The following SSH2 variants were observed in gnomAD, a reference collection of about 807,000 sequenced individuals.
The protein encoded by SSH2 is protein phosphatase Slingshot homolog 2.
Under a neutral mutation model 135.2 loss-of-function variants are expected in SSH2, and 37 were observed. That is an observed-to-expected ratio of 0.27 (90% CI 0.21 to 0.36). SSH2 has a LOEUF of 0.36. Among genes scored for constraint, SSH2 ranks in the 10% least tolerant of loss-of-function variants. SSH2 has a pLI of 1.00. For missense variants in SSH2, 1,408 were observed against 1,765.3 expected (o/e 0.80, Z 3.63); for synonymous variants, 628 against 646.2 (o/e 0.97, Z 0.43).
chr17:29,754,064 A>G (rs2041038171), intron 3 of SSH2, among the ~76,000 whole-genome samples: 1 of 152,182 alleles, frequency 6.6e-6, no homozygotes, highest in Non-Finnish European at 1.5e-5. Flanking sequence ...TCACTTCAGC[A>G]TTTTGATTCT....
In SSH2 at chr17:29,854,420, G is replaced by C. The variant is rs117508030; in HGVS notation, c.64-5491C>G. 8.2e-4 allele frequency among the ~76,000 whole-genome samples: 125 copies of C among 151,922 alleles called. 1 individual carries two copies. In the East Asian group the frequency reaches 0.021, roughly 25 times the overall value. ...TGGGGAAACATGTCCCTTTAGCTAAGTATTGTGTGGAGAAAAACAGGGGTT... is the reference window on the plus strand; with the variant it reads ...TGGGGAAACATGTCCCTTTAGCTAACTATTGTGTGGAGAAAAACAGGGGTT... On this transcript the variant is annotated intron_variant, in intron 1 of 15. Coordinates refer to ENST00000540801, the MANE Select transcript of SSH2 (RefSeq NM_001282129.2).
rs150952858 is a variant in SSH2 at position 29,707,860 on chromosome 17, G to A, written c.189-4798C>T. On this transcript the variant is annotated intron_variant, in intron 3 of 15. Transcript: ENST00000540801. ...TATTAAATACTATTATAATAGGCGC[G>A]ATACAGGCTCCCAGAGACTCGTGGC... is the stretch of plus-strand genomic sequence containing the variant. Among the ~76,000 whole-genome samples the A allele has an allele frequency of 1.7e-4, 26 of 151,976 alleles. No homozygotes were observed. In the East Asian group the frequency reaches 2.9e-3, roughly 17 times the overall value.
rs559482649 is a variant in SSH2 at position 29,738,101 on chromosome 17, G to A, written c.189-35039C>T. On this transcript the variant is annotated intron_variant, in intron 3 of 15. Transcript: ENST00000540801. Reference sequence around the variant, plus strand: ...CCTCCCGTGACCCCACAAGGGGCCCGGGTGTGTGATGTTCCCCACCCTGTG... The same window carrying A: ...CCTCCCGTGACCCCACAAGGGGCCCAGGTGTGTGATGTTCCCCACCCTGTG... 1.1e-4 allele frequency among the ~76,000 whole-genome samples: 16 copies of A among 152,110 alleles called. 2 individuals are homozygous for A. The highest frequency in any genetic ancestry group is 3.4e-3 in the Middle Eastern group (1 of 294).
intron 3 of SSH2, among the ~76,000 whole-genome samples, chr17:29,783,208 T>C (rs2041878255): frequency 6.6e-6 from 1 of 150,552 alleles, no homozygotes; most frequent in South Asian, 2.1e-4. Context: ...TTGTTAGAAA[T>C]GGAAAAACCT....
rs760525479 is a variant in SSH2, at chr17:29,631,092, T to A, written c.4102A>T (p.Arg1368Trp). 2 of 1,614,198 alleles carry A rather than the reference T, an allele frequency of 1.2e-6. No homozygotes were observed. Among genetic ancestry groups the A allele is most frequent in the Non-Finnish European group, 1.7e-6 (2 of 1,180,034 alleles). Residue 1368 changes from arginine to tryptophan, a missense_variant, in exon 16 of 16, where the codon AGG (arginine) becomes TGG (tryptophan). Arg to Trp is a moderately radical substitution (Grantham distance 101). Coordinates refer to ENST00000540801, the MANE Select transcript of SSH2 (RefSeq NM_001282129.2). Reference sequence around the variant, plus strand: ...TCTTTGGCATACTGCACAAGGGGCCTCTCCACTGGCTTGCTCTGCACAATA... The same window carrying A: ...TCTTTGGCATACTGCACAAGGGGCCACTCCACTGGCTTGCTCTGCACAATA... ...ECIVQSKPVE[R>W]PLVQYAKEFG...
At chr17:29,889,938 A>G (rs1245052021) in intron 1 of SSH2, among the ~76,000 whole-genome samples, 1 of 152,006 alleles carries the variant, frequency 6.6e-6, no homozygotes, top group African/African-American at 2.4e-5. Flanking sequence ...CAGCCTGGGA[A>G]ACAGAGCAAG....
chr17:29,832,549 G>A (rs1020786157), intron 2 of SSH2, among the ~76,000 whole-genome samples: 1 of 152,184 alleles, frequency 6.6e-6, no homozygotes, highest in Non-Finnish European at 1.5e-5. Flanking sequence ...GGTCATTCAG[G>A]AGCATACTGT....
chr17:29,710,776 T>TA (rs1330263621), intron 3 of SSH2, among the ~76,000 whole-genome samples: 2 of 152,176 alleles, frequency 1.3e-5, no homozygotes, highest in Non-Finnish European at 2.9e-5. Flanking sequence ...AAGGAAAAAG[T>TA]AACTGTTCCT....
At chr17:29,913,371 T>A (rs2066820571) in intron 1 of SSH2, among the ~76,000 whole-genome samples, 1 of 85,112 alleles carries the variant, frequency 1.2e-5, no homozygotes, top group Non-Finnish European at 2.2e-5. Context: ...TATATATATA[T>A]ATATATATAT....
chr17:29,730,312 AATATAT>A (rs1436100470), intron 3 of SSH2, among the ~76,000 whole-genome samples: 1 of 147,384 alleles, frequency 6.8e-6, no homozygotes, highest in African/African-American at 2.5e-5. Flanking sequence ...ACTCTGTCTA[AATATAT>A]ATATATATAA....
chr17:29,712,267 T>C (rs532969761), intron 3 of SSH2, among the ~76,000 whole-genome samples: 1 of 152,306 alleles, frequency 6.6e-6, no homozygotes, highest in African/African-American at 2.4e-5. Flanking sequence ...CACAAGGAAA[T>C]TCCTTGTGAG....
chr17:29,761,843 ATGTG>A (rs752691137), intron 3 of SSH2, among the ~76,000 whole-genome samples: 1,646 of 142,516 alleles, frequency 0.012, 39 homozygotes, highest in African/African-American at 0.041. Context: ...TCACATACAT[ATGTG>A]TGTGTGTGTG....
chr17:29,789,679 G>T (rs897709997), intron 3 of SSH2, among the ~76,000 whole-genome samples: 1 of 152,170 alleles, frequency 6.6e-6, no homozygotes, highest in African/African-American at 2.4e-5. Context: ...GAGCCCTGTG[G>T]ATGGCACTCC....
chr17:29,698,160 T>C (rs1303136204), intron 4 of SSH2, among the ~76,000 whole-genome samples: 1 of 152,098 alleles, frequency 6.6e-6, no homozygotes, highest in Non-Finnish European at 1.5e-5. Flanking sequence ...GAAAGTAGAT[T>C]AGTGGTTGCT....
intron 3 of SSH2, among the ~76,000 whole-genome samples, chr17:29,709,371 T>C (rs893843572): frequency 6.6e-6 from 1 of 152,170 alleles, no homozygotes; most frequent in Non-Finnish European, 1.5e-5. Context: ...TTCAACAGAA[T>C]AGAATTTAAA....
intron 3 of SSH2, among the ~76,000 whole-genome samples, chr17:29,792,313 T>G (rs2042083317): frequency 6.6e-6 from 1 of 152,136 alleles, no homozygotes; most frequent in South Asian, 2.1e-4. Flanking sequence ...GGATATTGAG[T>G]CAATATATAA....
intron 4 of SSH2, among the ~76,000 whole-genome samples, chr17:29,702,366 C>G (rs1285325961): frequency 7.0e-5 from 9 of 127,768 alleles, no homozygotes; most frequent in Non-Finnish European, 1.3e-4. Flanking sequence ...AAAAAAAAAA[C>G]AACCCTGGCC....
chr17:29,872,110 G>A (rs2065946850), intron 1 of SSH2, among the ~76,000 whole-genome samples: 1 of 152,118 alleles, frequency 6.6e-6, no homozygotes, highest in African/African-American at 2.4e-5. Context: ...ATTGCTCTTT[G>A]TTTTCAAAGT....
intron 3 of SSH2, among the ~76,000 whole-genome samples, chr17:29,728,669 C>A (rs1416702742): frequency 6.6e-6 from 1 of 152,098 alleles, no homozygotes; most frequent in Non-Finnish European, 1.5e-5. Context: ...CTATAGTAAC[C>A]AAAACAGCAT....
Sources: allele counts gnomAD v4.1 joint callset (sites outside exome capture counted in the v4.1 genomes callset), GRCh38; gene constraint gnomAD v4.1.1; transcripts MANE v1.5; gene names NCBI Gene and HGNC (gene_info 2026-07-23, HGNC 2026-07-21).